Variants in ALDH18A1 observed in about 807,000 individuals in gnomAD.
ALDH18A1 encodes the protein delta-1-pyrroline-5-carboxylate synthase.
Under a neutral mutation model 88.8 loss-of-function variants are expected in ALDH18A1, and 44 were observed. That is an observed-to-expected ratio of 0.50 (90% CI 0.39 to 0.64). The LOEUF is 0.64. Ranked by LOEUF, ALDH18A1 falls within the 30% of genes least tolerant of loss-of-function variation. The probability of loss-of-function intolerance (pLI) is 0.00; values close to 1 mark genes in which losing one functional copy is unlikely to be tolerated. For missense variants in ALDH18A1, 782 were observed against 1,009.5 expected (o/e 0.77, Z 3.05); for synonymous variants, 331 against 372.1 (o/e 0.89, Z 1.27).
chr10:95,628,182 T>C (rs190071462), intron 8 of ALDH18A1, among the ~76,000 whole-genome samples, 186 bp downstream of exon 8: 5 of 152,348 alleles, frequency 3.3e-5, no homozygotes, highest in African/African-American at 9.6e-5. Flanking sequence ...AAAACCCACA[T>C]ACACAGACAT....
Position 95,643,161 on chromosome 10 carries a change from T to C in ALDH18A1, c.134A>G (p.Asn45Ser), listed in dbSNP as rs772498541. The C allele has an allele frequency of 6.2e-7, 1 of 1,614,222 alleles. No individual in the cohort carries two copies. The highest frequency in any genetic ancestry group is 8.5e-7 in the Non-Finnish European group (1 of 1,180,040). ...GAGGGGTACAGTGATAAACGGGATGTTGCTCCAAGAACGAACATGTCTGAT... is the reference window on the plus strand; with the variant it reads ...GAGGGGTACAGTGATAAACGGGATGCTGCTCCAAGAACGAACATGTCTGAT... The part of the protein sequence containing the change: ...SVIRHVRSWS[N>S]IPFITVPLSR... Residue 45 changes from asparagine to serine, a missense_variant, in exon 3 of 18, where the codon AAC becomes AGC. Asn to Ser is a conservative substitution (Grantham distance 46). Transcript: ENST00000371224.
At chr10:95,654,880 TAAAACAATCA>T (rs2139674302) in intron 1 of ALDH18A1, among the ~76,000 whole-genome samples, 1 of 152,044 alleles carries the variant, frequency 6.6e-6, no homozygotes, top group East Asian at 1.9e-4. Context: ...AGCCAAAGGG[TAAAACAATCA>T]AATTCCAGTT....
chr10:95,627,417 T>C, intron 9 of ALDH18A1, 25 bp downstream of exon 9: 1 of 1,613,964 alleles, frequency 6.2e-7, no homozygotes, highest in Non-Finnish European at 8.5e-7. Context: ...TCACAGGCCT[T>C]GGGACCTTAT....
intron 6 of ALDH18A1, 78 bp from the exon 7 acceptor site, chr10:95,633,127 CTCAGGCAAAACCAAGCTAGGA>C: frequency 2.9e-6 from 4 of 1,373,912 alleles, no homozygotes; most frequent in South Asian, 1.2e-5. Flanking sequence ...CACAGCCAAG[CTCAGGCAAAACCAAGCTAGGA>C]TCAGGCAAAA....
At chr10:95,623,043 A>G (rs1237169397) in intron 11 of ALDH18A1, among the ~76,000 whole-genome samples, 1 of 152,184 alleles carries the variant, frequency 6.6e-6, no homozygotes, top group East Asian at 1.9e-4. Context: ...AAGATAAAAT[A>G]ATAAAAAGAT....
chr10:95,625,678 C>T (rs1241254467), intron 10 of ALDH18A1, among the ~76,000 whole-genome samples: 1 of 151,584 alleles, frequency 6.6e-6, no homozygotes, highest in African/African-American at 2.4e-5. Flanking sequence ...TCTTACTTTT[C>T]CTCCTTTTTT....
chr10:95,638,070 G>A (rs1010316980), intron 3 of ALDH18A1, among the ~76,000 whole-genome samples: 1 of 152,240 alleles, frequency 6.6e-6, no homozygotes, highest in Non-Finnish European at 1.5e-5. Flanking sequence ...CTGGAGTGCC[G>A]TGGCATGAAT....
At chr10:95,653,051 G>T (rs757816633) in intron 2 of ALDH18A1, among the ~76,000 whole-genome samples, 1 of 151,794 alleles carries the variant, frequency 6.6e-6, no homozygotes, top group Non-Finnish European at 1.5e-5. Flanking sequence ...GAGTCAGCGC[G>T]GTGGTGTGTG....
At position 95,606,511 on chromosome 10, in the gene ALDH18A1, T is replaced by C. The variant is rs1194351054; in HGVS notation, c.*251A>G. Reference sequence around the variant, plus strand: ...AAATGCACCTTTCAATCCTAGAAGATAATTGGACTTGGCAAAGTCCCTATC... The same window carrying C: ...AAATGCACCTTTCAATCCTAGAAGACAATTGGACTTGGCAAAGTCCCTATC... On this transcript the variant is annotated 3_prime_UTR_variant, in exon 18 of 18. Transcript: ENST00000371224. The C allele has an allele frequency of 7.4e-7, 1 of 1,350,424 alleles. No homozygotes were observed. The highest frequency in any genetic ancestry group is 9.5e-7 in the Non-Finnish European group (1 of 1,048,186). 83.7% of individuals were successfully genotyped at this position (1,350,424 alleles called of 1,614,324 possible). A position where few individuals can be genotyped will look rare whatever the true frequency, so the allele number is the denominator to read the frequency against.
chr10:95,628,810 C>T, intron 7 of ALDH18A1: 4 of 376,792 alleles, frequency 1.1e-5, no homozygotes, highest in South Asian at 9.4e-5. Context: ...TCTGCCATTG[C>T]TACTTATGAT....
chr10:95,643,284 A>G, intron 2 of ALDH18A1, 78 bp from the exon 3 acceptor site: 1 of 1,444,036 alleles, frequency 6.9e-7, no homozygotes, highest in South Asian at 1.2e-5. Context: ...CATGCTCAGT[A>G]TTAACCAGTT....
In ALDH18A1 at chr10:95,628,301, G is replaced by A. The variant is rs577598677; in HGVS notation, c.933+67C>T. 1.7e-5 allele frequency: 28 copies of A among 1,607,902 alleles called. No homozygotes were observed. In the African/African-American group the frequency reaches 3.2e-4, roughly 18 times the overall value. ...CATTAACCCCCAAATAATTACAAAA[G>A]TAAAAAGGATACAATATAGTTTGGG... On this transcript the variant is annotated intron_variant, in intron 8 of 17. Transcript: ENST00000371224.
intron 13 of ALDH18A1, 92 bp from the exon 14 acceptor site, chr10:95,614,253 C>T (rs1207694742): frequency 1.5e-6 from 2 of 1,295,400 alleles, no homozygotes; most frequent in Non-Finnish European, 2.2e-6. Context: ...AACATCTGTA[C>T]ACTCTGAGAA....
intron 12 of ALDH18A1, among the ~76,000 whole-genome samples, chr10:95,619,070 T>A (rs1398144105): frequency 1.3e-5 from 2 of 152,216 alleles, no homozygotes; most frequent in Non-Finnish European, 2.9e-5. Flanking sequence ...TTGGGAAACC[T>A]ATCTCCAGTA....
At chr10:95,632,815 T>C (rs2097872879) in intron 7 of ALDH18A1, 144 bp downstream of exon 7, 2 of 739,104 alleles carry the variant, frequency 2.7e-6, no homozygotes, top group South Asian at 3.1e-5. Flanking sequence ...TTTTGAGTCA[T>C]AAAAGCCCTT....
chr10:95,654,736 T>C (rs2097915321), intron 1 of ALDH18A1, among the ~76,000 whole-genome samples: 1 of 151,344 alleles, frequency 6.6e-6, no homozygotes, highest in African/African-American at 2.4e-5. Context: ...AATTGATCTT[T>C]GTTATTTCAA....
intron 17 of ALDH18A1, among the ~76,000 whole-genome samples, chr10:95,608,703 G>A (rs564015861): frequency 7.6e-4 from 115 of 152,154 alleles, no homozygotes; most frequent in African/African-American, 2.3e-3. Context: ...GTCTCGCTGC[G>A]TTGCCCAGGC....
In ALDH18A1 at chr10:95,655,681, A is replaced by AGTGTGTGTGTGT. The variant is rs3838754; in HGVS notation, c.-29+904_-29+915dup. 2.5e-3 allele frequency among the ~76,000 whole-genome samples: 371 copies of AGTGTGTGTGTGT among 150,272 alleles called. 2 individuals carry two copies. The highest frequency in any genetic ancestry group is 8.6e-3 in the African/African-American group (351 of 40,714). On this transcript the variant is annotated intron_variant, in intron 1 of 17. Transcript: ENST00000371224. The stretch of plus-strand genomic sequence containing the variant: ...ACAGTTGATCCCAAGGAGCAAAGAG[A>AGTGTGTGTGTGT]GTGTGTGTGTGTGTGTGTGTGTGTG...
chr10:95,631,263 T>C (rs1566023246), intron 7 of ALDH18A1, among the ~76,000 whole-genome samples: 5 of 152,066 alleles, frequency 3.3e-5, no homozygotes, highest in Admixed American at 2.6e-4. Flanking sequence ...AAGAATATGG[T>C]ACCCAGATAG....
Sources: gnomAD v4.1 joint callset for allele counts (sites outside exome capture counted in the v4.1 genomes callset) on GRCh38, gnomAD v4.1.1 for gene constraint, MANE v1.5 for transcripts, NCBI Gene and HGNC (gene_info 2026-07-23, HGNC 2026-07-21) for gene names.